STS: variants seen among roughly 807,000 people sequenced by gnomAD.
STS encodes steryl-sulfatase.
STS carries 7 observed loss-of-function variants against 26.8 expected under a neutral mutation model. The ratio of observed to expected loss-of-function variants is 0.26; its 90% CI spans 0.15 to 0.49. The LOEUF (loss-of-function observed/expected upper bound fraction) is 0.49, where lower values mean the gene tolerates loss of function less well. Among genes scored for constraint, STS ranks in the 20% least tolerant of loss-of-function variants. The pLI is 0.98. For synonymous variants in STS, 199 were observed against 189.4 expected (o/e 1.05, Z -0.42); for missense variants, 434 against 465.6 (o/e 0.93, Z 0.63).
chrX:7,337,544 A>G (rs1928091759), intron 10 of STS, among the ~76,000 whole-genome samples: 1 of 112,444 alleles, frequency 8.9e-6, no homozygotes, highest in Non-Finnish European at 1.9e-5. Flanking sequence ...AACATATTCC[A>G]TGAATCTTAG....
At chrX:7,182,315 C>T (rs1933695813) in intron 1 of STS, among the ~76,000 whole-genome samples, 1 of 110,009 alleles carries the variant, frequency 9.1e-6, no homozygotes, top group Non-Finnish European at 1.9e-5. Context: ...TGTGTCCTCA[C>T]GTGCAGGGTG....
At chrX:7,243,862 G>A (rs370970193) in intron 2 of STS, among the ~76,000 whole-genome samples, 1 of 111,366 alleles carries the variant, frequency 9.0e-6, no homozygotes, top group African/African-American at 3.3e-5. Flanking sequence ...TCAGGAGTTC[G>A]AGACCAGCCT....
At chrX:7,202,950 C>T (rs776523430) in intron 2 of STS, among the ~76,000 whole-genome samples, 17 of 111,065 alleles carry the variant, frequency 1.5e-4, no homozygotes, top group African/African-American at 4.9e-4. Flanking sequence ...CTCTGTCTCT[C>T]GCTCTCTATC....
intron 2 of STS, among the ~76,000 whole-genome samples, chrX:7,230,710 A>C (rs925787825): frequency 1.8e-5 from 2 of 110,984 alleles, no homozygotes; most frequent in African/African-American, 6.6e-5. Flanking sequence ...TTACAAAACC[A>C]TGAGATCTCA....
chrX:7,324,337 C>T (rs1365912212), intron 8 of STS, among the ~76,000 whole-genome samples: 3 of 110,425 alleles, frequency 2.7e-5, no homozygotes, highest in South Asian at 3.9e-4. Flanking sequence ...GAAACCTCCA[C>T]GTAGCAGGCT....
In STS at chrX:7,350,064, T is replaced by G; in HGVS notation, c.1540T>G (p.Ser514Ala). The change falls in exon 11 of 11, where the codon TCC (serine) becomes GCC (alanine). Residue 514 changes from serine (S) to alanine (A), a missense_variant. Ser to Ala is a moderately conservative substitution (Grantham distance 99, BLOSUM62 1). Transcript: ENST00000674429. ...AGAGAGAAACCCACTAACTCCAGCATCCGAGCCCCGGTTTTATGAAATCCT... is the reference window on the plus strand; with the variant it reads ...AGAGAGAAACCCACTAACTCCAGCAGCCGAGCCCCGGTTTTATGAAATCCT... ...PRERNPLTPA[S>A]EPRFYEILKV... 2 of 1,211,849 alleles carry G rather than the reference T, an allele frequency of 1.7e-6. No individual in the cohort carries two copies. Among genetic ancestry groups the G allele is most frequent in the Non-Finnish European group, 2.2e-6 (2 of 895,495 alleles).
At chrX:7,183,212 G>A (rs960219682) in intron 1 of STS, among the ~76,000 whole-genome samples, 1 of 111,709 alleles carries the variant, frequency 9.0e-6, no homozygotes, top group Middle Eastern at 4.6e-3. Flanking sequence ...GTCCAATTTG[G>A]TGTTAATCTT....
chrX:7,277,171 G>A (rs1452175243), intron 7 of STS, among the ~76,000 whole-genome samples: 1 of 111,865 alleles, frequency 8.9e-6, no homozygotes, highest in African/African-American at 3.3e-5. Flanking sequence ...TTACATTGCT[G>A]GGCTCATCTG....
At chrX:7,330,374 G>A (rs1186345395) in intron 9 of STS, among the ~76,000 whole-genome samples, 1 of 111,749 alleles carries the variant, frequency 8.9e-6, no homozygotes, top group African/African-American at 3.3e-5. Context: ...GCCATAGTTG[G>A]TTACACCTTT....
chrX:7,227,351 C>T (rs748314145), intron 2 of STS, among the ~76,000 whole-genome samples: 7 of 111,195 alleles, frequency 6.3e-5, no homozygotes, highest in Non-Finnish European at 1.3e-4. Flanking sequence ...AAATTAGAAG[C>T]ATCTAAAAAA....
chrX:7,221,885 T>C (rs767104942), intron 2 of STS, among the ~76,000 whole-genome samples: 4 of 112,168 alleles, frequency 3.6e-5, no homozygotes, highest in African/African-American at 9.7e-5. Context: ...AGCACTGTTA[T>C]AGACTGCTTC....
intron 2 of STS, among the ~76,000 whole-genome samples, chrX:7,217,147 G>A (rs781012354): frequency 3.6e-5 from 4 of 111,483 alleles, no homozygotes; most frequent in Non-Finnish European, 5.7e-5. Flanking sequence ...CAGGATTCTA[G>A]CATAAGGCCA....
Position 7,257,491 on chromosome X carries a change from A to C in STS, c.285A>C (p.Gly95=). 1 of 1,212,011 alleles carries C rather than the reference A, an allele frequency of 8.3e-7. No homozygotes were observed. Among genetic ancestry groups the C allele is most frequent in the Non-Finnish European group, 1.1e-6 (1 of 895,511 alleles). Residue 95 remains glycine, a synonymous_variant, in exon 5 of 11, where the codon GGA becomes GGC. Coordinates refer to ENST00000674429, the MANE Select transcript of STS (RefSeq NM_001320752.2). ...GAATGGCATCTTGGTCCCGCACTGGAGTTTTCCTCTTCACAGCCTCTTCGG... is the reference window on the plus strand; with the variant it reads ...GAATGGCATCTTGGTCCCGCACTGGCGTTTTCCTCTTCACAGCCTCTTCGG... ...RSGMASWSRT[G]VFLFTASSGG...
intron 6 of STS, among the ~76,000 whole-genome samples, chrX:7,271,720 T>C (rs1393394674): frequency 6.1e-5 from 6 of 98,772 alleles, no homozygotes; most frequent in Non-Finnish European, 1.2e-4. Context: ...CCACTCAGGA[T>C]TTTTTTTTTT....
chrX:7,278,878 T>C (rs1322853467), intron 7 of STS, among the ~76,000 whole-genome samples: 1 of 111,783 alleles, frequency 8.9e-6, no homozygotes, highest in Admixed American at 9.5e-5. Context: ...ATCACTGGCA[T>C]GAGGCAGATT....
rs151116505 is a variant in STS at position 7,323,214 on chromosome X, C to G, written c.1082-2125C>G. Among the ~76,000 whole-genome samples, 194 of 110,066 alleles carry G rather than the reference C, an allele frequency of 1.8e-3. 4 individuals are homozygous for G. In the East Asian group the frequency reaches 0.021, roughly 12 times the overall value. On this transcript the variant is annotated intron_variant, in intron 8 of 10. Transcript: ENST00000674429. ...ATCATTGACCACAAATTTAGTGGCT[C>G]AAAACAACATGTTTTTTTTTTTTAA...
chrX:7,240,924 C>G (rs984871760), intron 2 of STS, among the ~76,000 whole-genome samples: 28 of 110,976 alleles, frequency 2.5e-4, no homozygotes, highest in African/African-American at 8.2e-4. Flanking sequence ...CCTGTCATCC[C>G]TAGTGTCCTC....
At chrX:7,292,625 T>C (rs112655304) in intron 7 of STS, among the ~76,000 whole-genome samples, 2,052 of 110,552 alleles carry the variant, frequency 0.019, 27 homozygotes, top group Non-Finnish European at 0.028. Flanking sequence ...GTTTGGTCCA[T>C]AGTCTTGTCG....
In STS at chrX:7,181,586, C is replaced by T. The variant is rs1318977490; in HGVS notation, c.-133-9294C>T. ...AGTGAACTGGCCTTTGGACTGTGAACCTGGGCATCCCCACCAGACACCTAT... is the reference window on the plus strand; with the variant it reads ...AGTGAACTGGCCTTTGGACTGTGAATCTGGGCATCCCCACCAGACACCTAT... On this transcript the variant is annotated intron_variant, in intron 1 of 10. Coordinates refer to ENST00000674429, the MANE Select transcript of STS (RefSeq NM_001320752.2). 2.7e-5 allele frequency among the ~76,000 whole-genome samples: 3 copies of T among 111,735 alleles called. 1 individual carries two copies. In the Admixed American group the frequency reaches 2.9e-4, roughly 11 times the overall value.
Sources: allele counts gnomAD v4.1 joint callset (sites outside exome capture counted in the v4.1 genomes callset), GRCh38; gene constraint gnomAD v4.1.1; transcripts MANE v1.5; gene names NCBI Gene and HGNC (gene_info 2026-07-23, HGNC 2026-07-21).